PLEKHA6: variants seen among roughly 807,000 people sequenced by gnomAD.
The protein encoded by PLEKHA6 is pleckstrin homology domain containing A6.
Under a neutral mutation model 116.7 loss-of-function variants are expected in PLEKHA6, and 60 were observed. The observed-to-expected ratio is 0.51, with a 90% CI of 0.42 to 0.64. The LOEUF (loss-of-function observed/expected upper bound fraction) is 0.64. Among genes scored for constraint, PLEKHA6 ranks in the 30% least tolerant of loss-of-function variants. The probability of loss-of-function intolerance (pLI) is 0.00; values close to 1 mark genes in which losing one functional copy is unlikely to be tolerated. For synonymous variants in PLEKHA6, 489 were observed against 556.1 expected, an observed-to-expected ratio of 0.88 and a Z score of 1.70; for missense variants, 1,338 against 1,422.7, an observed-to-expected ratio of 0.94 and a Z score of 0.96.
In PLEKHA6 at chr1:204,259,016, C is replaced by T. The variant is rs1339060401; in HGVS notation, c.1007+242G>A. ...TGGAGAGGCACTGGGGCACTCTGTC[C>T]CTTCTTCTGAAGGAAGCAGACAAAG... On this transcript the variant is annotated intron_variant, in intron 8 of 22. Coordinates refer to ENST00000272203, the MANE Select transcript of PLEKHA6 (RefSeq NM_014935.5). This position sits in a 1 kb window ranked among gnomAD's most constrained non-coding sequence, Gnocchi z 4.6. Among the ~76,000 whole-genome samples, 1 of 152,196 alleles carries T rather than the reference C, an allele frequency of 6.6e-6. No individual in the cohort carries two copies. Among genetic ancestry groups the T allele is most frequent in the African/African-American group, 2.4e-5 (1 of 41,450 alleles).
rs1327596651 is a variant in PLEKHA6 at position 204,359,486 on chromosome 1, G to A, written c.-95+208C>T. On this transcript the variant is annotated intron_variant, in intron 1 of 22. Coordinates refer to ENST00000272203, the MANE Select transcript of PLEKHA6 (RefSeq NM_014935.5). ...AGCCCTGACAGGGGACTCTGGAGGT[G>A]GGGGTGGGGGCACAGGGAGGGCTAT... 1.1e-5 allele frequency: 4 copies of A among 353,140 alleles called. No individual in the cohort carries two copies. The East Asian group carries it at 6.6e-4, about 58-fold the overall frequency. 21.9% of individuals were successfully genotyped at this position (353,140 alleles called of 1,614,324 possible).
intron 1 of PLEKHA6, among the ~76,000 whole-genome samples, chr1:204,312,183 C>T (rs1400531913): frequency 1.3e-5 from 2 of 152,236 alleles, no homozygotes; most frequent in Non-Finnish European, 2.9e-5. Flanking sequence ...AAAACCCAGT[C>T]TTTTCCCTAC....
At chr1:204,262,396 AT>A (rs1476202950) in intron 6 of PLEKHA6, among the ~76,000 whole-genome samples, 4 of 152,300 alleles carry the variant, frequency 2.6e-5, no homozygotes, top group Non-Finnish European at 4.4e-5. Flanking sequence ...GCCTGGTGAA[AT>A]TCAAAGTTCT....
At chr1:204,234,810 T>C (rs1178641260) in intron 17 of PLEKHA6, among the ~76,000 whole-genome samples, 3 of 151,744 alleles carry the variant, frequency 2.0e-5, no homozygotes, top group African/African-American at 7.3e-5. Flanking sequence ...ATCTTTCTCC[T>C]GTGCTGGATG....
At chr1:204,245,585 G>A in intron 14 of PLEKHA6, 30 bp downstream of exon 14, 1 of 1,344,364 alleles carries the variant, frequency 7.4e-7, no homozygotes, top group Non-Finnish European at 1.1e-6. Flanking sequence ...GAGGCAGGCA[G>A]CCTAGGAGGC....
Position 204,259,249 on chromosome 1 carries a change from A to G in PLEKHA6, c.1007+9T>C. On this transcript the variant is annotated intron_variant, in intron 8 of 22. Transcript: ENST00000272203. This position sits in a 1 kb window ranked among gnomAD's most constrained non-coding sequence, Gnocchi z 4.6. Reference sequence around the variant, plus strand: ...TATCAGCCCCACCCCAGCCGCCGGCATGCCTCACCTCCGAAGGTCTTCAGG... The same window carrying G: ...TATCAGCCCCACCCCAGCCGCCGGCGTGCCTCACCTCCGAAGGTCTTCAGG... 6.2e-7 allele frequency: 1 copy of G among 1,611,832 alleles called. No individual in the cohort carries two copies. Among genetic ancestry groups the G allele is most frequent in the Non-Finnish European group, 8.5e-7 (1 of 1,178,938 alleles).
chr1:204,264,746 G>A (rs1044753975), intron 6 of PLEKHA6, among the ~76,000 whole-genome samples, 196 bp downstream of exon 6: 81 of 152,288 alleles, frequency 5.3e-4, no homozygotes, highest in African/African-American at 1.9e-3. Flanking sequence ...GCATAGCCTT[G>A]CTCTAGCCTT....
chr1:204,244,833 C>G (rs746786377), intron 15 of PLEKHA6, 31 bp downstream of exon 15: 2 of 1,510,828 alleles, frequency 1.3e-6, no homozygotes, highest in East Asian at 2.6e-5. Flanking sequence ...CTCCCTCCCC[C>G]ACCTACCTTC....
At position 204,333,680 on chromosome 1, in the gene PLEKHA6, G is replaced by A. The variant is rs546137064; in HGVS notation, c.-95+26014C>T. ...TCCAGCTCAGAGCTCTCTCTCACCC[G>A]CTTCAGCAGGCCAGGCCTCAGCTTG... is the stretch of plus-strand genomic sequence containing the variant. On this transcript the variant is annotated intron_variant, in intron 1 of 22. Coordinates refer to ENST00000272203, the MANE Select transcript of PLEKHA6 (RefSeq NM_014935.5). Among the ~76,000 whole-genome samples the A allele has an allele frequency of 3.3e-4, 50 of 152,232 alleles. No individual in the cohort carries two copies. The South Asian group carries it at 9.5e-3, about 29-fold the overall frequency.
At chr1:204,343,779 T>C (rs1221422245) in intron 1 of PLEKHA6, among the ~76,000 whole-genome samples, 2 of 152,142 alleles carry the variant, frequency 1.3e-5, no homozygotes, top group Non-Finnish European at 2.9e-5. Flanking sequence ...CCCGAGACAC[T>C]AGAAAGGCAC....
chr1:204,224,124 G>A (rs942374003), intron 21 of PLEKHA6, among the ~76,000 whole-genome samples: 1 of 152,064 alleles, frequency 6.6e-6, no homozygotes, highest in South Asian at 2.1e-4. Flanking sequence ...CAAGGGCTCG[G>A]AAACATGTTC....
At chr1:204,296,131 G>A (rs1318849906) in intron 1 of PLEKHA6, among the ~76,000 whole-genome samples, 4 of 152,144 alleles carry the variant, frequency 2.6e-5, no homozygotes, top group Admixed American at 6.5e-5. Context: ...TGGGAGGGGC[G>A]TGGTCCTCAT....
chr1:204,278,481 G>T (rs1668250613), intron 1 of PLEKHA6, among the ~76,000 whole-genome samples: 1 of 152,232 alleles, frequency 6.6e-6, no homozygotes, highest in Non-Finnish European at 1.5e-5. Flanking sequence ...ATTCTGTGAT[G>T]TCACAACAGA....
intron 1 of PLEKHA6, among the ~76,000 whole-genome samples, chr1:204,324,240 G>A (rs1317361703): frequency 2.0e-5 from 3 of 152,092 alleles, no homozygotes; most frequent in Admixed American, 6.5e-5. Context: ...GGCATCCCTG[G>A]TAAGAGTCAG....
intron 18 of PLEKHA6, 110 bp from the exon 19 acceptor site, chr1:204,229,214 C>T (rs1176798837): frequency 2.0e-6 from 2 of 1,004,716 alleles, no homozygotes; most frequent in Non-Finnish European, 2.9e-6. Flanking sequence ...CTAGCTGCCA[C>T]CCCACTGCTC....
intron 1 of PLEKHA6, chr1:204,309,760 A>T (rs927181863): frequency 1.2e-6 from 1 of 856,388 alleles, no homozygotes; most frequent in African/African-American, 1.8e-5. Flanking sequence ...GAAATAATTT[A>T]TGTTAACTAC....
intron 3 of PLEKHA6, among the ~76,000 whole-genome samples, chr1:204,366,010 G>A (rs972703861): frequency 1.3e-5 from 2 of 152,168 alleles, no homozygotes; most frequent in Non-Finnish European, 2.9e-5. Context: ...AACAGCAAGC[G>A]CCAAGGCTCT....
At chr1:204,306,387 T>A (rs1671307089) in intron 1 of PLEKHA6, among the ~76,000 whole-genome samples, 1 of 151,924 alleles carries the variant, frequency 6.6e-6, no homozygotes, top group African/African-American at 2.4e-5. Context: ...GGGGCCACAT[T>A]CAGCCAGCCT....
chr1:204,362,674 G>A (rs562897193), upstream of PLEKHA6, among the ~76,000 whole-genome samples: 7 of 152,328 alleles, frequency 4.6e-5, no homozygotes, highest in African/African-American at 1.7e-4. Flanking sequence ...AGCCTCCCAA[G>A]TAGCTGGTAC....
Sources: gnomAD v4.1 joint callset for allele counts (sites outside exome capture counted in the v4.1 genomes callset) on GRCh38, gnomAD v4.1.1 for gene constraint, Gnocchi (gnomAD v3.1) non-coding constraint, MANE v1.5 for transcripts, NCBI Gene and HGNC (gene_info 2026-07-23, HGNC 2026-07-21) for gene names.